Variants in SMYD3 observed in about 807,000 individuals in gnomAD.
SMYD3 encodes SET and MYND domain containing 3.
A neutral mutation model predicts 57.7 loss-of-function variants in SMYD3; 36 were observed. The ratio of observed to expected loss-of-function variants is 0.62; its 90% CI spans 0.48 to 0.82. The LOEUF is 0.82. Ranked by LOEUF, SMYD3 falls within the 40% of genes least tolerant of loss-of-function variation. SMYD3 has a pLI of 0.00. For missense variants in SMYD3, 515 were observed against 538.8 expected, an observed-to-expected ratio of 0.96 and a Z score of 0.44; for synonymous variants, 211 against 195.0, an observed-to-expected ratio of 1.08 and a Z score of -0.68.
At chr1:246,235,171 A>T (rs59417715) in intron 5 of SMYD3, among the ~76,000 whole-genome samples, 1 of 152,074 alleles carries the variant, frequency 6.6e-6, no homozygotes, top group South Asian at 2.1e-4. Context: ...GAGGCAGAAG[A>T]TATACAATCA....
intron 1 of SMYD3, among the ~76,000 whole-genome samples, chr1:246,479,645 C>T (rs1054022929): frequency 1.3e-5 from 2 of 151,016 alleles, no homozygotes; most frequent in Non-Finnish European, 2.9e-5. Flanking sequence ...GTAGCTGGAA[C>T]TACAGGTGTG....
At chr1:246,152,005 C>T (rs932230717) in intron 5 of SMYD3, among the ~76,000 whole-genome samples, 5 of 152,184 alleles carry the variant, frequency 3.3e-5, no homozygotes, top group African/African-American at 1.2e-4. Context: ...GGGGCCAAAA[C>T]AACAATAAAT....
rs565515550 is a variant in SMYD3 at position 246,463,753 on chromosome 1, G to A, written c.164+43301C>T. Among the ~76,000 whole-genome samples, 7 of 145,268 alleles carry A rather than the reference G, an allele frequency of 4.8e-5. No individual in the cohort carries two copies. In the South Asian group the frequency reaches 6.5e-4, roughly 13 times the overall value. ...CGGGAAGCTGAGGCAGGAGAATGGC[G>A]TGAACCCAGGAGGCGGAGTTTGCAG... On this transcript the variant is annotated intron_variant, in intron 1 of 11. Coordinates refer to ENST00000490107, the MANE Select transcript of SMYD3 (RefSeq NM_001167740.2).
intron 10 of SMYD3, among the ~76,000 whole-genome samples, chr1:245,805,202 G>A (rs1337534707): frequency 3.3e-5 from 5 of 151,518 alleles, no homozygotes; most frequent in Admixed American, 2.0e-4. Context: ...TAACCAGTAC[G>A]TTACTAATGC....
chr1:246,115,576 G>C (rs1182726911), intron 5 of SMYD3, among the ~76,000 whole-genome samples: 1 of 152,238 alleles, frequency 6.6e-6, no homozygotes, highest in African/African-American at 2.4e-5. Flanking sequence ...TCAGTCAAAA[G>C]TCGCAGCTTC....
chr1:246,332,164 T>C (rs954663581), intron 3 of SMYD3, among the ~76,000 whole-genome samples: 3 of 152,204 alleles, frequency 2.0e-5, no homozygotes, highest in African/African-American at 2.4e-5. Flanking sequence ...GAAAGAAATA[T>C]TGAAAGCTGA....
At chr1:246,503,154 T>C (rs2068483140) in intron 1 of SMYD3, among the ~76,000 whole-genome samples, 1 of 152,132 alleles carries the variant, frequency 6.6e-6, no homozygotes, top group Non-Finnish European at 1.5e-5. Context: ...GAACACATAT[T>C]TCTCACAATC....
At chr1:245,935,340 A>T (rs905308995) in intron 5 of SMYD3, among the ~76,000 whole-genome samples, 3 of 152,226 alleles carry the variant, frequency 2.0e-5, no homozygotes, top group African/African-American at 4.8e-5. Flanking sequence ...CATTAGGAAA[A>T]TACAAAATAA....
chr1:246,195,003 A>G (rs2062809378), intron 5 of SMYD3, among the ~76,000 whole-genome samples: 1 of 152,198 alleles, frequency 6.6e-6, no homozygotes, highest in Non-Finnish European at 1.5e-5. Context: ...TCTACGCTAT[A>G]CTTGGCCTAC....
At chr1:246,026,462 T>A (rs1340905601) in intron 5 of SMYD3, among the ~76,000 whole-genome samples, 1 of 152,212 alleles carries the variant, frequency 6.6e-6, no homozygotes, top group African/African-American at 2.4e-5. Context: ...GGTTTGTGAA[T>A]CCTTTGTTGA....
intron 5 of SMYD3, among the ~76,000 whole-genome samples, chr1:246,146,030 G>A (rs1003955741): frequency 3.9e-5 from 6 of 152,184 alleles, no homozygotes; most frequent in African/African-American, 1.4e-4. Flanking sequence ...TACAGTTATT[G>A]AGTATTCACA....
chr1:246,346,106 C>T (rs1171509514), intron 2 of SMYD3, among the ~76,000 whole-genome samples: 1 of 152,026 alleles, frequency 6.6e-6, no homozygotes. Flanking sequence ...AACACGGTAA[C>T]ACCCCATCTC....
At chr1:246,501,581 T>G (rs1249013493) in intron 1 of SMYD3, among the ~76,000 whole-genome samples, 4 of 152,228 alleles carry the variant, frequency 2.6e-5, no homozygotes, top group African/African-American at 9.6e-5. Flanking sequence ...CACATTTCAC[T>G]GGCCATCACC....
chr1:246,220,491 G>T (rs942684361), intron 5 of SMYD3, among the ~76,000 whole-genome samples: 3 of 152,076 alleles, frequency 2.0e-5, no homozygotes, highest in Non-Finnish European at 4.4e-5. Context: ...CTGCACTTTG[G>T]GGGGCCCAGG....
At chr1:246,247,863 G>A (rs1348752337) in intron 5 of SMYD3, among the ~76,000 whole-genome samples, 2 of 152,120 alleles carry the variant, frequency 1.3e-5, no homozygotes, top group African/African-American at 4.8e-5. Context: ...CAGGTAGCAA[G>A]AGAACCTGGA....
intron 10 of SMYD3, among the ~76,000 whole-genome samples, chr1:245,777,692 A>G (rs1181504352): frequency 1.3e-5 from 2 of 152,196 alleles, no homozygotes; most frequent in Non-Finnish European, 2.9e-5. Flanking sequence ...GGTATTTCCT[A>G]GAGGTCCCCC....
At chr1:245,757,511 A>T (rs1290089165) in intron 11 of SMYD3, among the ~76,000 whole-genome samples, 1 of 152,092 alleles carries the variant, frequency 6.6e-6, no homozygotes, top group African/African-American at 2.4e-5. Flanking sequence ...GCCCAATGTC[A>T]TGAGGCTTTT....
chr1:246,180,289 TATATA>T (rs1303504784), intron 5 of SMYD3, among the ~76,000 whole-genome samples: 1 of 145,266 alleles, frequency 6.9e-6, no homozygotes, highest in African/African-American at 2.5e-5. Context: ...ATAAACTACT[TATATA>T]TATATAAGTA....
At chr1:245,813,860 CTATATATATATATATATATATATATA>C (rs6143718) in intron 10 of SMYD3, among the ~76,000 whole-genome samples, 20,322 of 146,616 alleles carry the variant, frequency 0.14, 1,642 homozygotes, top group Admixed American at 0.21. Flanking sequence ...TCATGGAGCC[CTATATATATATATATATATATATATA>C]TATATATATA....
Sources: allele counts gnomAD v4.1 joint callset (sites outside exome capture counted in the v4.1 genomes callset), GRCh38; gene constraint gnomAD v4.1.1; transcripts MANE v1.5; gene names NCBI Gene and HGNC (gene_info 2026-07-23, HGNC 2026-07-21).